TCTN1: variants seen among roughly 807,000 people sequenced by gnomAD.
The protein encoded by TCTN1 is tectonic family member 1.
A neutral mutation model predicts 65.8 loss-of-function variants in TCTN1; 58 were observed. The ratio of observed to expected loss-of-function variants is 0.88; its 90% CI spans 0.71 to 1.10. The LOEUF is 1.10. TCTN1 is among the 50% of genes least tolerant of loss of function. TCTN1 has a pLI of 0.00. For synonymous variants in TCTN1, 273 were observed against 289.1 expected, an observed-to-expected ratio of 0.94 and a Z score of 0.57; for missense variants, 645 against 719.4, an observed-to-expected ratio of 0.90 and a Z score of 1.18.
At chr12:110,625,107 G>A (rs1390202158) in intron 2 of TCTN1, among the ~76,000 whole-genome samples, 1 of 152,142 alleles carries the variant, frequency 6.6e-6, no homozygotes, top group African/African-American at 2.4e-5. Context: ...TCTATTCTGG[G>A]TACTTTTAAA....
intron 7 of TCTN1, among the ~76,000 whole-genome samples, chr12:110,638,905 C>T (rs1397096452): frequency 1.3e-5 from 2 of 152,162 alleles, no homozygotes; most frequent in Non-Finnish European, 2.9e-5. Flanking sequence ...ATGCTGAAAC[C>T]CCTTGGTGCG....
chr12:110,619,152 T>C (rs2135896236), intron 1 of TCTN1, among the ~76,000 whole-genome samples: 1 of 152,176 alleles, frequency 6.6e-6, no homozygotes, highest in African/African-American at 2.4e-5. Flanking sequence ...CACTCCAGCC[T>C]GGGCAACAAG....
At chr12:110,637,486 G>C (rs1229152414) in intron 7 of TCTN1, among the ~76,000 whole-genome samples, 2 of 152,188 alleles carry the variant, frequency 1.3e-5, no homozygotes, top group African/African-American at 2.4e-5. Flanking sequence ...CCTATTATGA[G>C]GAATGATGGA....
At chr12:110,634,914 A>G in intron 6 of TCTN1, 135 bp downstream of exon 6, 1 of 639,258 alleles carries the variant, frequency 1.6e-6, no homozygotes, top group Non-Finnish European at 2.8e-6. Flanking sequence ...GTACTTTTAT[A>G]TCAGTGATTA....
Position 110,640,593 on chromosome 12 carries a change from C to T in TCTN1, c.978+76C>T. 2 of 1,605,636 alleles carry T rather than the reference C, an allele frequency of 1.2e-6. No individual in the cohort carries two copies. The highest frequency in any genetic ancestry group is 1.7e-6 in the Non-Finnish European group (2 of 1,173,940). On this transcript the variant is annotated intron_variant, in intron 8 of 14. Transcript: ENST00000397659. The surrounding 1 kb of genome is among the most constrained non-coding windows in gnomAD (Gnocchi z 4.9). Reference sequence around the variant, plus strand: ...CTTGTTGCGCCGGGGTAACTGGACGCCCTCCGAGGACGCTCTGTCCCAGCC... The same window carrying T: ...CTTGTTGCGCCGGGGTAACTGGACGTCCTCCGAGGACGCTCTGTCCCAGCC...
At position 110,629,099 on chromosome 12, in the gene TCTN1, A is replaced by G. The variant is rs899936793; in HGVS notation, c.624+181A>G. Reference sequence around the variant, plus strand: ...GAAAATTAAAACTGAATATTTGAAGATGGATTAAAGACTTAAATGTAAGAC... The same window carrying G: ...GAAAATTAAAACTGAATATTTGAAGGTGGATTAAAGACTTAAATGTAAGAC... On this transcript the variant is annotated intron_variant, in intron 4 of 14. Transcript: ENST00000397659. 35 of 738,000 alleles carry G rather than the reference A, an allele frequency of 4.7e-5. No individual in the cohort carries two copies. The African/African-American group carries it at 4.8e-4, about 10-fold the overall frequency. The allele number at this position is 738,000 out of a possible 1,614,324, so 45.7% of individuals were successfully genotyped here.
chr12:110,642,279 T>C lies in TCTN1; in HGVS notation c.1221T>C (p.Tyr407=). Residue 407 remains tyrosine (Y), a synonymous_variant, in exon 11 of 15, where the codon TAT becomes TAC. Transcript: ENST00000397659. ...GSGIIQTTNR[Y]GQLTILHSTT... ...GGATTATTCAGACCACAAATAGATATGGACAGCTTACTATTCTTCATAGCA... is the reference window on the plus strand; with the variant it reads ...GGATTATTCAGACCACAAATAGATACGGACAGCTTACTATTCTTCATAGCA... 3 of 1,614,226 alleles carry C rather than the reference T, an allele frequency of 1.9e-6. No homozygotes were observed. The highest frequency in any genetic ancestry group is 1.1e-5 in the South Asian group (1 of 91,090).
chr12:110,635,168 C>A (rs185010175), intron 6 of TCTN1, among the ~76,000 whole-genome samples: 1 of 152,142 alleles, frequency 6.6e-6, no homozygotes, highest in Admixed American at 6.5e-5. Flanking sequence ...AAGAGGAAAT[C>A]CACTTTCTGG....
chr12:110,645,565 T>G (rs2067243383), intron 12 of TCTN1: 1 of 241,072 alleles, frequency 4.1e-6, no homozygotes, highest in Non-Finnish European at 8.3e-6. Context: ...TATCAAAGAC[T>G]GAGACTGACT....
At chr12:110,634,221 T>C (rs2066411483) in intron 5 of TCTN1, among the ~76,000 whole-genome samples, 1 of 152,112 alleles carries the variant, frequency 6.6e-6, no homozygotes, top group African/African-American at 2.4e-5. Context: ...CCATAGAATA[T>C]TTCTAGAAAG....
At position 110,644,925 on chromosome 12, in the gene TCTN1, AAC is replaced by A. The variant is rs1425864627; in HGVS notation, c.1332-40_1332-39del. Reference sequence around the variant, plus strand: ...GAAAATGAAAAACTGCTGGTGGATGAACAACAGCCTCATTCAGTTGACTTCTT... The same window carrying A: ...GAAAATGAAAAACTGCTGGTGGATGAAACAGCCTCATTCAGTTGACTTCTT... On this transcript the variant is annotated intron_variant, in intron 11 of 14. Coordinates refer to ENST00000397659, the MANE Select transcript of TCTN1 (RefSeq NM_001082538.3). The surrounding 1 kb of genome is among the most constrained non-coding windows in gnomAD (Gnocchi z 4.6). 6.2e-7 allele frequency: 1 copy of A among 1,612,258 alleles called. No homozygotes were observed. Among genetic ancestry groups the A allele is most frequent in the Non-Finnish European group, 8.5e-7 (1 of 1,178,358 alleles).
Position 110,632,425 on chromosome 12 carries a change from G to A in TCTN1, c.625-47G>A, listed in dbSNP as rs2066294538. Reference sequence around the variant, plus strand: ...TGTGGGTGCCCAGTAAGTGTTGAATGAATACTTTAATTACACCATAACGAC... The same window carrying A: ...TGTGGGTGCCCAGTAAGTGTTGAATAAATACTTTAATTACACCATAACGAC... On this transcript the variant is annotated intron_variant, in intron 4 of 14. Transcript: ENST00000397659. The A allele has an allele frequency of 2.5e-6, 4 of 1,601,558 alleles. No homozygotes were observed. The East Asian group carries it at 8.9e-5, about 36-fold the overall frequency.
rs201512943 is a variant in TCTN1, at chr12:110,642,299, A to C, written c.1241A>C (p.His414Pro). The change falls in exon 11 of 15, where the codon CAT (histidine) becomes CCT (proline). Residue 414 changes from histidine (H) to proline (P), a missense_variant. Physicochemically the swap from His to Pro is moderately conservative, Grantham distance 77. Transcript: ENST00000397659. ...TNRYGQLTIL[H>P]STTEQDCLAL... ...AGATATGGACAGCTTACTATTCTTC[A>C]TAGCACAACTGAGCAAGACTGCTTA... The C allele has an allele frequency of 6.2e-7, 1 of 1,614,198 alleles. No homozygotes were observed. The highest frequency in any genetic ancestry group is 1.1e-5 in the South Asian group (1 of 91,082).
At chr12:110,623,231 C>G (rs575835144) in intron 2 of TCTN1, among the ~76,000 whole-genome samples, 1 of 152,366 alleles carries the variant, frequency 6.6e-6, no homozygotes, top group South Asian at 2.1e-4. Context: ...CATCTCAAAT[C>G]CACTCCAGCC....
rs182406601 is a variant in TCTN1, at chr12:110,647,771, C to T, written c.1658C>T (p.Thr553Met). 2.5e-4 allele frequency: 405 copies of T among 1,614,170 alleles called. 1 individual carries two copies. Among genetic ancestry groups the T allele is most frequent in the Admixed American group, 8.0e-4 (48 of 60,010 alleles). The change falls in exon 14 of 15, where the codon ACG becomes ATG. Residue 553 changes from threonine to methionine, a missense_variant. Transcript: ENST00000397659. ...CAGGCCAACTCAGGAAATGAAAGGA[C>T]GATTCTTATTTCCACTGCGGTTACT... ...FPEANSGNER[T>M]ILISTAVTFV...
At chr12:110,628,489 C>T (rs2066001413) in intron 3 of TCTN1, among the ~76,000 whole-genome samples, 2 of 152,000 alleles carry the variant, frequency 1.3e-5, no homozygotes, top group Non-Finnish European at 2.9e-5. Flanking sequence ...TACAGGTGCA[C>T]ACCACCATGA....
chr12:110,619,698 A>G lies in TCTN1; in HGVS notation c.221-138A>G, dbSNP rs981603813. The G allele has an allele frequency of 7.9e-6, 11 of 1,383,804 alleles. No homozygotes were observed. The African/African-American group carries it at 1.3e-4, about 16-fold the overall frequency. The allele number at this position is 1,383,804 out of a possible 1,614,324, so 85.7% of individuals were successfully genotyped here. A position where few individuals can be genotyped will look rare whatever the true frequency, so the allele number is the denominator to read the frequency against. Reference sequence around the variant, plus strand: ...TCAAACTGACTCATTTCCACTTCACAAATTTCCCCCAAAGTGCAATAGGAA... The same window carrying G: ...TCAAACTGACTCATTTCCACTTCACGAATTTCCCCCAAAGTGCAATAGGAA... On this transcript the variant is annotated intron_variant, in intron 1 of 14. Coordinates refer to ENST00000397659, the MANE Select transcript of TCTN1 (RefSeq NM_001082538.3).
intron 2 of TCTN1, among the ~76,000 whole-genome samples, chr12:110,620,272 T>TTGGCGGGCACCTGTGGTCCCAGC (rs1219127456): frequency 6.6e-6 from 1 of 152,058 alleles, no homozygotes; most frequent in East Asian, 1.9e-4. Flanking sequence ...GCCGGGCATG[T>TTGGCGGGCACCTGTGGTCCCAGC]TGGCGGGCAC....
intron 12 of TCTN1, chr12:110,646,264 G>A (rs1260003550): frequency 2.7e-5 from 4 of 150,930 alleles, no homozygotes; most frequent in Admixed American, 1.3e-4. Context: ...CAGGGTATTC[G>A]AGAGGATTGT....
Sources: gnomAD v4.1 joint callset for allele counts (sites outside exome capture counted in the v4.1 genomes callset) on GRCh38, gnomAD v4.1.1 for gene constraint, Gnocchi (gnomAD v3.1) non-coding constraint, MANE v1.5 for transcripts, NCBI Gene and HGNC (gene_info 2026-07-23, HGNC 2026-07-21) for gene names.